A2ML1: variants seen among roughly 807,000 people sequenced by gnomAD.
The protein encoded by A2ML1 is alpha-2-macroglobulin-like protein 1.
Under a neutral mutation model 181.9 loss-of-function variants are expected in A2ML1, and 161 were observed. That is an observed-to-expected ratio of 0.89 (90% CI 0.78 to 1.01). The LOEUF is 1.01. Among genes scored for constraint, A2ML1 ranks in the 50% least tolerant of loss-of-function variants. The pLI, the probability that A2ML1 is intolerant of heterozygous loss-of-function variation, is 0.00. For missense variants in A2ML1, 1,670 were observed against 1,768.1 expected (o/e 0.94, Z 1.00); for synonymous variants, 663 against 666.8 (o/e 0.99, Z 0.09).
chr12:8,865,629 A>G (rs950415952), intron 29 of A2ML1, among the ~76,000 whole-genome samples: 1 of 152,230 alleles, frequency 6.6e-6, no homozygotes, highest in South Asian at 2.1e-4. Context: ...TAATTTAGAG[A>G]GGAGAAACAT....
At chr12:8,844,537 G>C (rs1943600917) in intron 12 of A2ML1, among the ~76,000 whole-genome samples, 1 of 152,138 alleles carries the variant, frequency 6.6e-6, no homozygotes, top group South Asian at 2.1e-4. Context: ...ATAAGGATAA[G>C]CAGCTTTCCT....
intron 11 of A2ML1, among the ~76,000 whole-genome samples, chr12:8,842,392 G>T (rs893632831): frequency 5.1e-5 from 7 of 136,852 alleles, no homozygotes; most frequent in Admixed American, 2.5e-4. Flanking sequence ...CTAATTTTTT[G>T]TATTTTTTAG....
rs11047598 is a variant in A2ML1, at chr12:8,854,082, T to C, written c.2591-46T>C. The C allele has an allele frequency of 1.9e-3, 2,832 of 1,497,196 alleles. 50 individuals are homozygous for C. In the African/African-American group the frequency reaches 0.035, roughly 19 times the overall value. 92.7% of individuals were successfully genotyped at this position (1,497,196 alleles called of 1,614,324 possible). Reference sequence around the variant, plus strand: ...TCCAAATGGGAATGGACCTCACTGGTACCTCTGGCAATAGGGCTAATGGCT... The same window carrying C: ...TCCAAATGGGAATGGACCTCACTGGCACCTCTGGCAATAGGGCTAATGGCT... On this transcript the variant is annotated intron_variant, in intron 20 of 35. Coordinates refer to ENST00000299698, the MANE Select transcript of A2ML1 (RefSeq NM_144670.6).
chr12:8,875,637 C>A (rs1944777739), intron 35 of A2ML1: 1 of 151,934 alleles, frequency 6.6e-6, no homozygotes, highest in South Asian at 2.1e-4. Context: ...TGGGGTTTCG[C>A]CATGTTGGTC....
intron 5 of A2ML1, 132 bp downstream of exon 5, chr12:8,834,814 C>G: frequency 4.7e-6 from 5 of 1,060,562 alleles, no homozygotes; most frequent in Non-Finnish European, 6.9e-6. Context: ...CAGCACCGAG[C>G]GCCCACATCC....
At chr12:8,869,428 A>C (rs1370604112) in intron 33 of A2ML1, among the ~76,000 whole-genome samples, 1 of 148,744 alleles carries the variant, frequency 6.7e-6, no homozygotes, top group African/African-American at 2.4e-5. Flanking sequence ...CGTTTACGAC[A>C]TTTGAAGATT....
chr12:8,868,357 G>A lies in A2ML1; in HGVS notation c.4061G>A (p.Ser1354Asn). 6.2e-7 allele frequency: 1 copy of A among 1,611,206 alleles called. No homozygotes were observed. Among genetic ancestry groups the A allele is most frequent in the Non-Finnish European group, 8.5e-7 (1 of 1,179,206 alleles). ...TCCTTGACTCTCACTATTCACACCA[G>A]GTGATTAAAGCTGGGGTGCTGGTGG... ...PRSLTLTIHTSYVGSRSSSNM... is the reference protein window; with the variant it reads ...PRSLTLTIHTNYVGSRSSSNM... Residue 1354 changes from serine (S) to asparagine (N), a missense_variant and splice_region_variant, in exon 31 of 36, where the codon AGT (serine) becomes AAT (asparagine). Ser to Asn is a conservative substitution (Grantham distance 46). Transcript: ENST00000299698.
Position 8,841,392 on chromosome 12 carries a change from C to T in A2ML1, c.1104C>T (p.Asp368=). ...AGATAAGAGTTAGGGGCCATGATGA[C>T]TCCTTCCTCAAGAACCATCTAGTGT... is the stretch of plus-strand genomic sequence containing the variant. The part of the protein sequence containing the change: ...SGKIRVRGHD[D]SFLKNHLVFL... The change falls in exon 11 of 36, where the codon GAC becomes GAT. Residue 368 remains aspartate (D), a synonymous_variant. Coordinates refer to ENST00000299698, the MANE Select transcript of A2ML1 (RefSeq NM_144670.6). 6.2e-7 allele frequency: 1 copy of T among 1,614,124 alleles called. No individual in the cohort carries two copies. Among genetic ancestry groups the T allele is most frequent in the Non-Finnish European group, 8.5e-7 (1 of 1,180,016 alleles).
intron 7 of A2ML1, among the ~76,000 whole-genome samples, chr12:8,836,608 A>G (rs1002384810): frequency 6.7e-6 from 1 of 149,160 alleles, no homozygotes; most frequent in African/African-American, 2.5e-5. Flanking sequence ...CTCAACCTCT[A>G]GAGTAGCTGG....
intron 7 of A2ML1, among the ~76,000 whole-genome samples, chr12:8,884,068 G>C (rs1161897389): frequency 2.0e-5 from 3 of 152,090 alleles, no homozygotes; most frequent in African/African-American, 7.2e-5. Context: ...TTACAGGCGT[G>C]ACCCACCACA....
In A2ML1 at chr12:8,829,787, GGGA is replaced by G. The variant is rs750639846; in HGVS notation, c.462+16_462+18del. 6.8e-4 allele frequency: 1,099 copies of G among 1,614,080 alleles called. 8 individuals are homozygous for G. In the South Asian group the frequency reaches 9.1e-3, roughly 13 times the overall value. Reference sequence around the variant, plus strand: ...GTTCCAGTGAATGACAAGGTGAGTTGGGAGGAGGAGAAGGAGTGGCGCAGGGAG... The same window carrying G: ...GTTCCAGTGAATGACAAGGTGAGTTGGGAGGAGAAGGAGTGGCGCAGGGAG... On this transcript the variant is annotated intron_variant, in intron 4 of 35. Transcript: ENST00000299698.
chr12:8,859,781 G>A lies in A2ML1; in HGVS notation c.3265-1100G>A, dbSNP rs778103226. Among the ~76,000 whole-genome samples the A allele has an allele frequency of 1.2e-4, 18 of 152,090 alleles. 1 individual carries two copies. In the East Asian group the frequency reaches 2.3e-3, roughly 20 times the overall value. On this transcript the variant is annotated intron_variant, in intron 26 of 35. Coordinates refer to ENST00000299698, the MANE Select transcript of A2ML1 (RefSeq NM_144670.6). ...GGTTTCACCATGTTTGGCCAGGCTG[G>A]TCTTGAACTCCTGGCCTCAAGTGAT...
chr12:8,868,036 C>A lies in A2ML1; in HGVS notation c.3912C>A (p.Gly1304=), dbSNP rs1944480888. Residue 1304 remains glycine (G), a synonymous_variant, in exon 30 of 36, where the codon GGC becomes GGA. Coordinates refer to ENST00000299698, the MANE Select transcript of A2ML1 (RefSeq NM_144670.6). ...GAATGTACACGTTGGAGGCCTCAGG[C>A]CAGGGCTGTGTCTATGTGCAGGTAA... ...VPGMYTLEAS[G]QGCVYVQTVL... 6.2e-7 allele frequency: 1 copy of A among 1,614,092 alleles called. No homozygotes were observed. The highest frequency in any genetic ancestry group is 1.7e-5 in the Admixed American group (1 of 60,006).
chr12:8,845,328 T>C (rs773704539), intron 12 of A2ML1, 114 bp from the exon 13 acceptor site: 2 of 1,443,288 alleles, frequency 1.4e-6, no homozygotes, highest in South Asian at 1.2e-5. Flanking sequence ...ACCCGGACTC[T>C]GAACTGTGAA....
At chr12:8,845,954 A>C in intron 13 of A2ML1, 123 bp from the exon 14 acceptor site, 1 of 1,014,256 alleles carries the variant, frequency 9.9e-7, no homozygotes, top group Non-Finnish European at 1.4e-6. Context: ...GGAGAAGAGA[A>C]AAATGAGAAG....
chr12:8,840,987 G>GA (rs1295915552), intron 10 of A2ML1, among the ~76,000 whole-genome samples: 38 of 87,886 alleles, frequency 4.3e-4, no homozygotes, highest in African/African-American at 1.3e-3. Flanking sequence ...AAGAAGGAAG[G>GA]AAGGAAGGAA....
In A2ML1 at chr12:8,835,874, G is replaced by A. The variant is rs11047500; in HGVS notation, c.643+208G>A. Among the ~76,000 whole-genome samples, 4,202 of 151,950 alleles carry A rather than the reference G, an allele frequency of 0.028. 203 individuals carry two copies. The highest frequency in any genetic ancestry group is 0.096 in the African/African-American group (3,958 of 41,396). On this transcript the variant is annotated intron_variant, in intron 6 of 35. Transcript: ENST00000299698. ...TAACAATACAAAAAATTAGCCGGGC[G>A]TGGTGGCAGGTGCCTGTAGTCTCAG...
intron 4 of A2ML1, among the ~76,000 whole-genome samples, chr12:8,832,572 T>C (rs749483203): frequency 3.3e-5 from 5 of 152,334 alleles, no homozygotes; most frequent in African/African-American, 9.6e-5. Context: ...CGGTTAGGTC[T>C]GACATCTTTC....
chr12:8,829,862 C>A, intron 4 of A2ML1, 83 bp downstream of exon 4: 3 of 1,574,380 alleles, frequency 1.9e-6, no homozygotes, highest in Admixed American at 1.7e-5. Flanking sequence ...GTCCTCTCAG[C>A]CTGGGCGTGG....
Sources: allele counts gnomAD v4.1 joint callset (sites outside exome capture counted in the v4.1 genomes callset), GRCh38; gene constraint gnomAD v4.1.1; transcripts MANE v1.5; gene names NCBI Gene and HGNC (gene_info 2026-07-23, HGNC 2026-07-21).